Variants in SHISA9 observed in about 807,000 individuals in gnomAD.
SHISA9 encodes shisa family member 9, also known as protein shisa-9.
SHISA9 carries 13 observed loss-of-function variants against 38.0 expected under a neutral mutation model. That is an observed-to-expected ratio of 0.34 (90% CI 0.22 to 0.54). SHISA9 has a LOEUF of 0.54. Among genes scored for constraint, SHISA9 ranks in the 20% least tolerant of loss-of-function variants. The pLI is 0.91. For missense variants in SHISA9, 538 were observed against 575.8 expected (o/e 0.93, Z 0.67); for synonymous variants, 275 against 242.0 (o/e 1.14, Z -1.27).
At chr16:13,540,161 G>T in the SHISA9 span, among the ~76,000 whole-genome samples, 3 of 150,826 alleles carry the variant, frequency 2.0e-5, no homozygotes, top group East Asian at 5.9e-4. Context: ...CAGTGTATAT[G>T]TATACACAGA....
rs1162581751 is a variant in SHISA9, at chr16:13,203,534, T to C, written c.832T>C (p.Ser278Pro). ...AGGAAAAGAGCTCAACAAGTACGCC[T>C]CCTTAAAGGCAGTCGGTAAGTGCCA... ...PPGKELNKYASLKAVGSSDGD... is the reference protein window; with the variant it reads ...PPGKELNKYAPLKAVGSSDGD... The change falls in exon 3 of 5, where the codon TCC becomes CCC. Residue 278 changes from serine (S) to proline (P), a missense_variant. This residue lies in a region of SHISA9 where 326 missense variants were observed against 305.9 expected (regional missense o/e 1.07). Transcript: ENST00000558583. The C allele has an allele frequency of 6.5e-7, 1 of 1,538,752 alleles. No individual in the cohort carries two copies. The highest frequency in any genetic ancestry group is 8.8e-7 in the Non-Finnish European group (1 of 1,141,274).
At chr16:13,159,487 A>G (rs915405846) in intron 2 of SHISA9, among the ~76,000 whole-genome samples, 2 of 152,234 alleles carry the variant, frequency 1.3e-5, no homozygotes, top group Admixed American at 1.3e-4. Flanking sequence ...TTTGGTTCTC[A>G]GGAGGAGGTC....
chr16:13,379,337 G>C, the SHISA9 span, among the ~76,000 whole-genome samples: 1 of 152,254 alleles, frequency 6.6e-6, no homozygotes, highest in Non-Finnish European at 1.5e-5. Flanking sequence ...TGCTCTCTCT[G>C]ATGGTGATTA....
At chr16:13,067,967 T>A (rs2073454097) in intron 2 of SHISA9, among the ~76,000 whole-genome samples, 1 of 152,226 alleles carries the variant, frequency 6.6e-6, no homozygotes, top group Admixed American at 6.5e-5. Flanking sequence ...TACACTGATG[T>A]CACCTTTTTA....
the SHISA9 span, among the ~76,000 whole-genome samples, chr16:13,553,276 T>A: frequency 6.6e-6 from 1 of 152,212 alleles, no homozygotes; most frequent in South Asian, 2.1e-4. Context: ...AGAGGGCAGA[T>A]TACTTGACTA....
chr16:13,019,832 CTTTTTCCT>C (rs1297076319), intron 2 of SHISA9, among the ~76,000 whole-genome samples: 3 of 71,270 alleles, frequency 4.2e-5, no homozygotes, highest in African/African-American at 6.1e-5. Flanking sequence ...TTCTTTCTTT[CTTTTTCCT>C]TCCTTCCCTC....
chr16:13,132,613 G>A (rs2050315697), intron 2 of SHISA9, among the ~76,000 whole-genome samples: 2 of 152,064 alleles, frequency 1.3e-5, no homozygotes, highest in South Asian at 2.1e-4. Flanking sequence ...TAATCCTAGA[G>A]GCAAAACTGC....
chr16:13,298,134 A>T, the SHISA9 span, among the ~76,000 whole-genome samples: 1 of 152,048 alleles, frequency 6.6e-6, no homozygotes, highest in African/African-American at 2.4e-5. Flanking sequence ...GACCAATTCA[A>T]TCCATGGACA....
chr16:13,348,695 T>C, the SHISA9 span, among the ~76,000 whole-genome samples: 20 of 151,910 alleles, frequency 1.3e-4, no homozygotes, highest in African/African-American at 4.8e-4. Flanking sequence ...TTTGAATCAT[T>C]GTGATCAGCT....
At chr16:13,080,549 C>G (rs1012965074) in intron 2 of SHISA9, among the ~76,000 whole-genome samples, 4 of 152,052 alleles carry the variant, frequency 2.6e-5, no homozygotes, top group African/African-American at 9.7e-5. Context: ...CTAGCTTCAC[C>G]AAGACCACAG....
chr16:13,344,377 C>T, the SHISA9 span, among the ~76,000 whole-genome samples: 5 of 152,242 alleles, frequency 3.3e-5, no homozygotes, highest in Non-Finnish European at 7.4e-5. Flanking sequence ...TACTACATAC[C>T]AGGAATGGTT....
chr16:13,225,624 A>C (rs1466794909), intron 4 of SHISA9, among the ~76,000 whole-genome samples: 1 of 152,220 alleles, frequency 6.6e-6, no homozygotes, highest in Non-Finnish European at 1.5e-5. Context: ...TTACCAAGAA[A>C]GAATGAGTGG....
chr16:13,346,798 C>T, the SHISA9 span, among the ~76,000 whole-genome samples: 5 of 152,162 alleles, frequency 3.3e-5, no homozygotes, highest in African/African-American at 9.7e-5. Context: ...GGACTTAATA[C>T]GTATACTTCA....
the SHISA9 span, among the ~76,000 whole-genome samples, chr16:13,288,881 A>G: frequency 6.6e-6 from 1 of 152,190 alleles, no homozygotes; most frequent in African/African-American, 2.4e-5. Context: ...TTTAATCTTT[A>G]ATCCTAATTA....
intron 2 of SHISA9, among the ~76,000 whole-genome samples, chr16:12,937,813 G>A (rs532848066): frequency 2.5e-4 from 38 of 152,336 alleles, no homozygotes; most frequent in African/African-American, 9.1e-4. Context: ...TTCAACATAT[G>A]AATTTTGAGG....
chr16:12,975,207 T>G (rs1423699313), intron 2 of SHISA9, among the ~76,000 whole-genome samples: 2 of 152,090 alleles, frequency 1.3e-5, no homozygotes, highest in Non-Finnish European at 2.9e-5. Context: ...ATACAGCTAT[T>G]ATGTTCACAT....
chr16:13,182,862 C>A (rs2050789755), intron 2 of SHISA9, among the ~76,000 whole-genome samples: 1 of 152,206 alleles, frequency 6.6e-6, no homozygotes. Context: ...GGAGTTGACT[C>A]TGTTCAGCTG....
chr16:13,504,277 A>C, the SHISA9 span, among the ~76,000 whole-genome samples: 2 of 152,170 alleles, frequency 1.3e-5, no homozygotes, highest in Non-Finnish European at 2.9e-5. Context: ...AGGATATACA[A>C]GAGAGAATTT....
At chr16:13,203,008 A>C (rs73507130) in intron 2 of SHISA9, among the ~76,000 whole-genome samples, 2,356 of 152,258 alleles carry the variant, frequency 0.015, 58 homozygotes, top group African/African-American at 0.054. Flanking sequence ...AACATCTGCC[A>C]ATCTGTTGGC....
Sources: gnomAD v4.1 joint callset for allele counts (sites outside exome capture counted in the v4.1 genomes callset) on GRCh38, gnomAD v4.1.1 for gene constraint, gnomAD v4.1.1 regional missense constraint, MANE v1.5 for transcripts, NCBI Gene and HGNC (gene_info 2026-07-23, HGNC 2026-07-21) for gene names.